Variants in MGAT4C observed in about 807,000 individuals in gnomAD.
MGAT4C encodes the protein MGAT4 family member C, also known as alpha-1,3-mannosyl-glycoprotein 4-beta-N-acetylglucosaminyltransferase C.
Under a neutral mutation model 40.1 loss-of-function variants are expected in MGAT4C, and 19 were observed. The ratio of observed to expected loss-of-function variants is 0.47; its 90% CI spans 0.33 to 0.70. The LOEUF is 0.70. Among genes scored for constraint, MGAT4C ranks in the 30% least tolerant of loss-of-function variants. The pLI, the probability that MGAT4C is intolerant of heterozygous loss-of-function variation, is 0.02. For synonymous variants in MGAT4C, 181 were observed against 187.1 expected, an observed-to-expected ratio of 0.97 and a Z score of 0.27; for missense variants, 491 against 563.2, an observed-to-expected ratio of 0.87 and a Z score of 1.30.
intron 2 of MGAT4C, among the ~76,000 whole-genome samples, chr12:86,507,267 C>A (rs531468564): frequency 6.6e-6 from 1 of 152,160 alleles, no homozygotes; most frequent in Non-Finnish European, 1.5e-5. Context: ...TATTATTCAT[C>A]TAATATCCAC....
intron 4 of MGAT4C, among the ~76,000 whole-genome samples, chr12:86,280,565 T>C (rs1326561634): frequency 6.6e-6 from 1 of 152,026 alleles, no homozygotes; most frequent in Non-Finnish European, 1.5e-5. Context: ...TTCAAAAATT[T>C]AGAATGCTTT....
chr12:86,207,741 T>C (rs1407489782), intron 1 of MGAT4C, among the ~76,000 whole-genome samples: 1 of 152,110 alleles, frequency 6.6e-6, no homozygotes, highest in East Asian at 1.9e-4. Context: ...GTGGCAAAAA[T>C]AGATTATGTC....
chr12:86,652,389 G>A (rs938487138), intron 2 of MGAT4C, among the ~76,000 whole-genome samples: 10 of 151,754 alleles, frequency 6.6e-5, no homozygotes, highest in East Asian at 5.8e-4. Flanking sequence ...GCTCATGAAC[G>A]ATTTTTAAAT....
intron 2 of MGAT4C, among the ~76,000 whole-genome samples, chr12:86,588,464 AC>A (rs1360383396): frequency 6.6e-6 from 1 of 152,048 alleles, no homozygotes; most frequent in East Asian, 1.9e-4. Context: ...GGAGACTTTA[AC>A]ACCCCACTGT....
intron 2 of MGAT4C, among the ~76,000 whole-genome samples, chr12:86,582,671 A>G (rs1960836687): frequency 6.6e-6 from 1 of 151,314 alleles, no homozygotes; most frequent in East Asian, 1.9e-4. Flanking sequence ...ACAATTTATC[A>G]TGGTGATATC....
intron 1 of MGAT4C, among the ~76,000 whole-genome samples, chr12:86,207,325 C>T (rs1950296101): frequency 6.6e-6 from 1 of 151,932 alleles, no homozygotes; most frequent in African/African-American, 2.4e-5. Flanking sequence ...GCTGAACGTG[C>T]AGGCTTGTTA....
intron 1 of MGAT4C, among the ~76,000 whole-genome samples, chr12:86,737,962 G>A (rs953213200): frequency 3.0e-4 from 46 of 151,506 alleles, no homozygotes; most frequent in African/African-American, 1.1e-3. Context: ...AAAGAAGCCA[G>A]AGTGACCCTG....
At chr12:86,525,332 T>C in intron 2 of MGAT4C, among the ~76,000 whole-genome samples, 1 of 152,174 alleles carries the variant, frequency 6.6e-6, no homozygotes. Context: ...TGATTGTAAG[T>C]TTCCTGAGGC....
upstream of MGAT4C, among the ~76,000 whole-genome samples, chr12:86,258,319 C>T (rs1207917006): frequency 6.8e-6 from 1 of 146,606 alleles, no homozygotes; most frequent in Non-Finnish European, 1.5e-5. Flanking sequence ...ATCTATCTAT[C>T]TATCTATCTA....
chr12:86,177,684 C>T (rs1237796723), intron 1 of MGAT4C, among the ~76,000 whole-genome samples: 4 of 151,966 alleles, frequency 2.6e-5, no homozygotes, highest in African/African-American at 9.6e-5. Flanking sequence ...AAAATAATTA[C>T]TATGCTGAAA....
rs545834174 is a variant in MGAT4C, at chr12:86,101,378, C to T, written c.-56-51655G>A. Among the ~76,000 whole-genome samples the T allele has an allele frequency of 4.6e-5, 7 of 151,646 alleles. No homozygotes were observed. The East Asian group carries it at 1.4e-3, about 29-fold the overall frequency. ...AAGAGGGCAAGACCATTGGCCTTTA[C>T]AAAGAATAAGTATTAAAGGAAAAAT... On this transcript the variant is annotated intron_variant, in intron 1 of 4. Coordinates refer to ENST00000611864, the MANE Select transcript of MGAT4C (RefSeq NM_001351288.2).
At chr12:86,597,586 A>C (rs1229090158) in intron 2 of MGAT4C, among the ~76,000 whole-genome samples, 1 of 152,186 alleles carries the variant, frequency 6.6e-6, no homozygotes, top group Non-Finnish European at 1.5e-5. Flanking sequence ...CATAATGTTA[A>C]GTTTTTCCTT....
chr12:86,146,550 T>C (rs1325129559), intron 1 of MGAT4C, among the ~76,000 whole-genome samples: 1 of 152,100 alleles, frequency 6.6e-6, no homozygotes, highest in African/African-American at 2.4e-5. Flanking sequence ...TCTTATTCTA[T>C]TTAAATCTCT....
chr12:86,435,064 A>T (rs1298408576), intron 3 of MGAT4C: 2 of 151,966 alleles, frequency 1.3e-5, no homozygotes, highest in East Asian at 1.9e-4. Context: ...TTATAAACAT[A>T]TAACAGAGTC....
intron 2 of MGAT4C, among the ~76,000 whole-genome samples, chr12:86,019,687 T>G (rs111673238): frequency 0.16 from 24,150 of 152,058 alleles, 2,267 homozygotes; most frequent in African/African-American, 0.27. Flanking sequence ...TTTTTTTGGT[T>G]CCATATGAAC....
intron 3 of MGAT4C, among the ~76,000 whole-genome samples, chr12:86,424,940 T>C (rs960288046): frequency 6.6e-6 from 1 of 152,040 alleles, no homozygotes; most frequent in Non-Finnish European, 1.5e-5. Context: ...GTATTTTTAG[T>C]AGAGACGGGG....
intron 3 of MGAT4C, among the ~76,000 whole-genome samples, chr12:86,408,479 C>CTCTCTCTCTATATATATATA (rs1267344319): frequency 9.5e-5 from 6 of 63,342 alleles, no homozygotes; most frequent in African/African-American, 3.9e-4. Context: ...CTCTCTCTCT[C>CTCTCTCTCTATATATATATA]TATATATATA....
intron 1 of MGAT4C, among the ~76,000 whole-genome samples, chr12:86,778,950 T>A (rs181047723): frequency 6.6e-6 from 1 of 151,076 alleles, no homozygotes; most frequent in East Asian, 1.9e-4. Context: ...AGCCATTTTA[T>A]TGTGCCTGGT....
intron 3 of MGAT4C, among the ~76,000 whole-genome samples, chr12:86,351,146 T>C (rs904894458): frequency 2.6e-5 from 4 of 152,006 alleles, no homozygotes; most frequent in Non-Finnish European, 5.9e-5. Flanking sequence ...ATCTCTGGCC[T>C]GGAAAAATGA....
Sources: allele counts gnomAD v4.1 joint callset (sites outside exome capture counted in the v4.1 genomes callset), GRCh38; gene constraint gnomAD v4.1.1; transcripts MANE v1.5; gene names NCBI Gene and HGNC (gene_info 2026-07-23, HGNC 2026-07-21).